TUSC3: variants seen among roughly 807,000 people sequenced by gnomAD.
The protein encoded by TUSC3 is tumor suppressor candidate 3.
TUSC3 carries 45 observed loss-of-function variants against 44.8 expected under a neutral mutation model. That is an observed-to-expected ratio of 1.00 (90% confidence interval 0.79 to 1.29). The LOEUF is 1.29. Among genes scored for constraint, TUSC3 ranks in the 50% most tolerant of loss-of-function variants. TUSC3 has a pLI of 0.00. For missense variants in TUSC3, 519 were observed against 437.9 expected, an observed-to-expected ratio of 1.19 and a Z score of -1.65; for synonymous variants, 212 against 152.9, an observed-to-expected ratio of 1.39 and a Z score of -2.85.
chr8:15,581,738 CCT>C (rs1803355097), intron 1 of TUSC3, among the ~76,000 whole-genome samples: 1 of 115,952 alleles, frequency 8.6e-6, no homozygotes, highest in African/African-American at 2.9e-5. Flanking sequence ...AGACAGGGAC[CCT>C]TAAGTCTGCA....
At chr8:15,540,733 G>T (rs1270392360) in intron 1 of TUSC3, among the ~76,000 whole-genome samples, 165 bp downstream of exon 1, 3 of 152,120 alleles carry the variant, frequency 2.0e-5, no homozygotes, top group African/African-American at 4.8e-5. Flanking sequence ...GCGTTTCCGG[G>T]ACGTGGAGTT....
intron 1 of TUSC3, among the ~76,000 whole-genome samples, chr8:15,546,596 C>T (rs1001141116): frequency 9.9e-5 from 15 of 151,488 alleles, no homozygotes; most frequent in African/African-American, 3.4e-4. Context: ...AGTGCAATGG[C>T]GCAAACTTGG....
At chr8:15,686,523 C>T (rs1324135439) in intron 6 of TUSC3, among the ~76,000 whole-genome samples, 1 of 151,796 alleles carries the variant, frequency 6.6e-6, no homozygotes, top group East Asian at 1.9e-4. Context: ...GCAGCCATAC[C>T]ATATTGTACT....
chr8:15,805,528 T>C, the TUSC3 span, among the ~76,000 whole-genome samples: 1 of 152,120 alleles, frequency 6.6e-6, no homozygotes, highest in Non-Finnish European at 1.5e-5. Flanking sequence ...TTGTTGATGG[T>C]TTATTATGAA....
At chr8:15,474,648 G>A (rs530914279) in intron 1 of TUSC3, among the ~76,000 whole-genome samples, 1 of 152,122 alleles carries the variant, frequency 6.6e-6, no homozygotes, top group South Asian at 2.1e-4. Flanking sequence ...TTTTACAGTT[G>A]GGGGATTTGG....
chr8:15,646,774 A>AT (rs1806651614), intron 2 of TUSC3, among the ~76,000 whole-genome samples: 1 of 151,952 alleles, frequency 6.6e-6, no homozygotes, highest in Admixed American at 6.6e-5. Context: ...CTGCTTTGTA[A>AT]TTTTTTTCTT....
chr8:15,841,429 C>A, the TUSC3 span, among the ~76,000 whole-genome samples: 6 of 152,032 alleles, frequency 3.9e-5, no homozygotes, highest in Non-Finnish European at 8.8e-5. Context: ...ATATAATCAG[C>A]CAAACTGAAC....
At position 15,633,879 on chromosome 8, in the gene TUSC3, AG is replaced by A. The variant is rs753955826; in HGVS notation, c.308+10631del. On this transcript the variant is annotated intron_variant, in intron 2 of 10. Transcript: ENST00000503731. Reference sequence around the variant, plus strand: ...GTGATACTTTGTTATGGCCACCCAGAGAAACTGATACACCACCTTTTACCTA... The same window carrying A: ...GTGATACTTTGTTATGGCCACCCAGAAAACTGATACACCACCTTTTACCTA... Among the ~76,000 whole-genome samples, 15 of 152,300 alleles carry A rather than the reference AG, an allele frequency of 9.8e-5. No individual in the cohort carries two copies. The East Asian group carries it at 1.4e-3, about 14-fold the overall frequency.
intron 2 of TUSC3, among the ~76,000 whole-genome samples, chr8:15,646,407 A>C (rs1042056713): frequency 6.6e-6 from 1 of 152,136 alleles, no homozygotes; most frequent in Non-Finnish European, 1.5e-5. Flanking sequence ...TGGACTTTAG[A>C]ATAGAGGCTA....
intron 7 of TUSC3, among the ~76,000 whole-genome samples, chr8:15,735,973 C>T (rs1810921073): frequency 6.6e-6 from 1 of 151,912 alleles, no homozygotes; most frequent in Non-Finnish European, 1.5e-5. Context: ...CGTGATCCGC[C>T]CACCTTGGCC....
the TUSC3 span, among the ~76,000 whole-genome samples, chr8:15,820,320 T>C: frequency 9.4e-5 from 14 of 149,594 alleles, no homozygotes; most frequent in African/African-American, 3.2e-4. Flanking sequence ...CTTTTTTTTT[T>C]TTTTTTTTTT....
intron 2 of TUSC3, among the ~76,000 whole-genome samples, chr8:15,490,970 G>C (rs553944631): frequency 2.0e-5 from 3 of 151,956 alleles, no homozygotes; most frequent in Admixed American, 6.6e-5. Flanking sequence ...AGAGGGTCTG[G>C]GGCCCCCCCA....
chr8:15,575,393 A>T (rs1803058144), intron 1 of TUSC3, among the ~76,000 whole-genome samples: 1 of 152,184 alleles, frequency 6.6e-6, no homozygotes, highest in Non-Finnish European at 1.5e-5. Flanking sequence ...AACTAATTTA[A>T]ATATTAAACT....
chr8:15,797,809 T>G, the TUSC3 span, among the ~76,000 whole-genome samples: 12 of 152,306 alleles, frequency 7.9e-5, no homozygotes, highest in African/African-American at 2.9e-4. Flanking sequence ...ATCTGTGTAA[T>G]GAATTCAATC....
At chr8:15,614,817 T>A (rs1804921135) in intron 1 of TUSC3, among the ~76,000 whole-genome samples, 1 of 151,890 alleles carries the variant, frequency 6.6e-6, no homozygotes. Context: ...AAGGATATAG[T>A]TACATAATAA....
intron 1 of TUSC3, among the ~76,000 whole-genome samples, chr8:15,472,086 C>G (rs981640043): frequency 6.6e-6 from 1 of 152,216 alleles, no homozygotes; most frequent in Non-Finnish European, 1.5e-5. Context: ...ATAAATAATC[C>G]TTAGCTTTGA....
At chr8:15,792,230 C>G in the TUSC3 span, among the ~76,000 whole-genome samples, 1 of 151,950 alleles carries the variant, frequency 6.6e-6, no homozygotes, top group South Asian at 2.1e-4. Context: ...TAAAACTTAA[C>G]AGTGAATGAG....
chr8:15,474,076 T>C (rs1800534679), intron 1 of TUSC3, among the ~76,000 whole-genome samples: 1 of 152,176 alleles, frequency 6.6e-6, no homozygotes, highest in Admixed American at 6.5e-5. Context: ...TAATTATTAA[T>C]ACTCCTTGCT....
chr8:15,728,999 G>A (rs911302607), intron 6 of TUSC3, among the ~76,000 whole-genome samples: 6 of 149,394 alleles, frequency 4.0e-5, no homozygotes, highest in African/African-American at 2.6e-5. Context: ...ATTTGGTAAT[G>A]GGGGAGTCCA....
Sources: allele counts gnomAD v4.1 joint callset (sites outside exome capture counted in the v4.1 genomes callset), GRCh38; gene constraint gnomAD v4.1.1; transcripts MANE v1.5; gene names NCBI Gene and HGNC (gene_info 2026-07-23, HGNC 2026-07-21).